RNLS: variants seen among roughly 807,000 people sequenced by gnomAD.
RNLS encodes the protein renalase, FAD dependent amine oxidase, also known as renalase.
A neutral mutation model predicts 39.8 loss-of-function variants in RNLS; 39 were observed. That is an observed-to-expected ratio of 0.98 (90% CI 0.76 to 1.28). The LOEUF (loss-of-function observed/expected upper bound fraction) is 1.28, where lower values mean the gene tolerates loss of function less well. Ranked by LOEUF, RNLS falls within the 50% of genes most tolerant of loss-of-function variation. The pLI is 0.00. For missense variants in RNLS, 410 were observed against 413.3 expected (o/e 0.99, Z 0.07); for synonymous variants, 147 against 150.7 (o/e 0.98, Z 0.18).
At chr10:88,267,054 G>A in the RNLS span, among the ~76,000 whole-genome samples, 2 of 152,158 alleles carry the variant, frequency 1.3e-5, no homozygotes, top group Non-Finnish European at 2.9e-5. Context: ...CTGTGTCACT[G>A]TCTGAAAGCT....
the RNLS span, among the ~76,000 whole-genome samples, chr10:88,215,518 T>A: frequency 6.6e-6 from 1 of 152,186 alleles, no homozygotes; most frequent in Non-Finnish European, 1.5e-5. Flanking sequence ...TTTCCCTAGC[T>A]CTGATGGACC....
chr10:88,549,349 G>A (rs1848501033), intron 4 of RNLS, among the ~76,000 whole-genome samples: 1 of 151,504 alleles, frequency 6.6e-6, no homozygotes, highest in African/African-American at 2.4e-5. Context: ...GAGGCCAAGA[G>A]TTTGAGACCT....
chr10:88,191,090 G>A, the RNLS span, among the ~76,000 whole-genome samples: 2 of 152,200 alleles, frequency 1.3e-5, no homozygotes, highest in Admixed American at 6.5e-5. Context: ...CAGTGACATC[G>A]AGGGGGCAGG....
At chr10:88,178,200 C>T in the RNLS span, among the ~76,000 whole-genome samples, 2 of 152,178 alleles carry the variant, frequency 1.3e-5, no homozygotes, top group African/African-American at 2.4e-5. Context: ...TGTCACAATG[C>T]TGCAGACCTT....
At chr10:88,240,352 C>CT in the RNLS span, among the ~76,000 whole-genome samples, 2 of 151,720 alleles carry the variant, frequency 1.3e-5, no homozygotes, top group East Asian at 1.9e-4. Flanking sequence ...GCCCATAATA[C>CT]TTTTTTTATT....
rs142128920 is a variant in RNLS at position 88,503,025 on chromosome 10, G to A, written c.526+69878C>T. Among the ~76,000 whole-genome samples the A allele has an allele frequency of 8.0e-4, 122 of 152,048 alleles. 1 individual carries two copies. In the South Asian group the frequency reaches 8.1e-3, roughly 10 times the overall value. ...ATCACCCAGCTTCACCAATCAATCC[G>A]TAGCCAATCATTTTTTATCTATCAC... On this transcript the variant is annotated intron_variant, in intron 4 of 6. Coordinates refer to ENST00000331772, the MANE Select transcript of RNLS (RefSeq NM_001031709.3).
intron 5 of RNLS, among the ~76,000 whole-genome samples, chr10:88,360,911 C>A (rs1274677099): frequency 6.6e-6 from 1 of 152,190 alleles, no homozygotes; most frequent in African/African-American, 2.4e-5. Context: ...CCTGAAGTCT[C>A]TCCAATCTTC....
chr10:88,281,468 G>T (rs973550492), downstream of RNLS, among the ~76,000 whole-genome samples: 1 of 152,130 alleles, frequency 6.6e-6, no homozygotes, highest in South Asian at 2.1e-4. Flanking sequence ...CCCACTCCAG[G>T]GGTCTTGTCT....
intron 4 of RNLS, among the ~76,000 whole-genome samples, chr10:88,491,249 A>G (rs1462229060): frequency 1.3e-5 from 2 of 152,324 alleles, no homozygotes; most frequent in African/African-American, 4.8e-5. Flanking sequence ...ATTGCAAAAC[A>G]TACTGAAGAG....
chr10:88,526,599 C>CA (rs1177874092), intron 4 of RNLS, among the ~76,000 whole-genome samples: 1 of 151,614 alleles, frequency 6.6e-6, no homozygotes, highest in Non-Finnish European at 1.5e-5. Flanking sequence ...CCTACCTCTA[C>CA]AAAAAAATTT....
At position 88,286,793 on chromosome 10, in the gene RNLS, G is replaced by GTT. The variant is rs34199618; in HGVS notation, c.877-1289_877-1288dup. Among the ~76,000 whole-genome samples the GTT allele has an allele frequency of 2.0e-3, 291 of 148,536 alleles. 1 individual carries two copies. The highest frequency in any genetic ancestry group is 7.0e-3 in the Middle Eastern group (2 of 286). On this transcript the variant is annotated intron_variant, in intron 6 of 6. Coordinates refer to ENST00000331772, the MANE Select transcript of RNLS (RefSeq NM_001031709.3). Reference sequence around the variant, plus strand: ...GGCTGAGTCAGTATATTCCCTTACAGTTTTTTTTTTTCTTCTAGAGATAGG... The same window carrying GTT: ...GGCTGAGTCAGTATATTCCCTTACAGTTTTTTTTTTTTTCTTCTAGAGATAGG...
chr10:88,184,495 G>C, the RNLS span, among the ~76,000 whole-genome samples: 2 of 152,112 alleles, frequency 1.3e-5, no homozygotes, highest in African/African-American at 4.8e-5. Flanking sequence ...GGGAGACAGA[G>C]ATAGGTCCTT....
the RNLS span, among the ~76,000 whole-genome samples, chr10:88,262,339 C>T: frequency 6.6e-6 from 1 of 152,144 alleles, no homozygotes; most frequent in African/African-American, 2.4e-5. Context: ...GCTCTGTGAA[C>T]TTTGGCATCT....
chr10:88,413,141 G>C (rs1379176520), intron 4 of RNLS, among the ~76,000 whole-genome samples: 1 of 152,130 alleles, frequency 6.6e-6, no homozygotes, highest in Non-Finnish European at 1.5e-5. Flanking sequence ...AGGTTTCCTG[G>C]TTCCCACTCA....
At chr10:88,369,291 C>T (rs995227582) in intron 4 of RNLS, among the ~76,000 whole-genome samples, 6 of 152,128 alleles carry the variant, frequency 3.9e-5, no homozygotes, top group Non-Finnish European at 4.4e-5. Flanking sequence ...CCATTCCTTG[C>T]CCTTCTCTGC....
At chr10:88,269,648 A>G (rs1564652418), downstream of RNLS, among the ~76,000 whole-genome samples, 1 of 152,224 alleles carries the variant, frequency 6.6e-6, no homozygotes, top group African/African-American at 2.4e-5. Flanking sequence ...AAAGGGTTTC[A>G]GAATTGGGCA....
chr10:88,184,130 A>G, the RNLS span, among the ~76,000 whole-genome samples: 10 of 152,126 alleles, frequency 6.6e-5, no homozygotes, highest in Non-Finnish European at 1.2e-4. Context: ...TTCAATTTGA[A>G]ATAGGTGTTC....
chr10:88,285,404 A>T lies in RNLS; in HGVS notation c.979T>A (p.Cys327Ser), dbSNP rs1258542134. ...DGFTQSNFDG[C>S]ITSALCVLEA... ...AGAACACATAGGGCAGAAGTGATGC[A>T]GCCATCAAAGTTGGACTGAGTAAAT... Residue 327 changes from cysteine (C) to serine (S), a missense_variant, in exon 7 of 7, where the codon TGC becomes AGC. Physicochemically the swap from Cys to Ser is moderately radical, Grantham distance 112 (BLOSUM62 -1). Coordinates refer to ENST00000331772, the MANE Select transcript of RNLS (RefSeq NM_001031709.3). 3 of 1,612,916 alleles carry T rather than the reference A, an allele frequency of 1.9e-6. No homozygotes were observed. Among genetic ancestry groups the T allele is most frequent in the East Asian group, 2.2e-5 (1 of 44,806 alleles).
the RNLS span, chr10:88,259,333 A>C: frequency 6.6e-6 from 1 of 152,216 alleles, no homozygotes; most frequent in Non-Finnish European, 1.5e-5. Flanking sequence ...CATTGATTTT[A>C]ATTGGAGCCA....
Sources: gnomAD v4.1 joint callset for allele counts (sites outside exome capture counted in the v4.1 genomes callset) on GRCh38, gnomAD v4.1.1 for gene constraint, MANE v1.5 for transcripts, NCBI Gene and HGNC (gene_info 2026-07-23, HGNC 2026-07-21) for gene names.